MKNK1: variants seen among roughly 807,000 people sequenced by gnomAD.
MKNK1 encodes MAPK interacting serine/threonine kinase 1, also known as MAP kinase-interacting serine/threonine-protein kinase 1.
A neutral mutation model predicts 49.3 loss-of-function variants in MKNK1; 30 were observed. That is an observed-to-expected ratio of 0.61 (90% CI 0.46 to 0.83). The LOEUF (loss-of-function observed/expected upper bound fraction) is 0.83. Ranked by LOEUF, MKNK1 falls within the 40% of genes least tolerant of loss-of-function variation. The probability of loss-of-function intolerance (pLI) is 0.00; values close to 1 mark genes in which losing one functional copy is unlikely to be tolerated. For synonymous variants in MKNK1, 176 were observed against 201.7 expected (o/e 0.87, Z 1.08); for missense variants, 423 against 524.7 (o/e 0.81, Z 1.89).
chr1:46,561,683 A>T (rs1668004440), intron 10 of MKNK1, 41 bp from the exon 11 acceptor site: 1 of 1,600,448 alleles, frequency 6.2e-7, no homozygotes. Flanking sequence ...ACTGCCAGGG[A>T]TGGGCAGGAT....
At chr1:46,601,694 G>A (rs2148786341) in intron 1 of MKNK1, among the ~76,000 whole-genome samples, 1 of 152,280 alleles carries the variant, frequency 6.6e-6, no homozygotes, top group East Asian at 1.9e-4. Flanking sequence ...CAAAGAGGAG[G>A]AAAAACACAA....
At chr1:46,583,361 T>A in intron 2 of MKNK1, 32 bp from the exon 3 acceptor site, 1 of 1,515,830 alleles carries the variant, frequency 6.6e-7, no homozygotes, top group Non-Finnish European at 9.1e-7. Context: ...AAGGGAAACA[T>A]CACTGTACTG....
At chr1:46,568,404 A>T (rs750016352) in intron 8 of MKNK1, 39 bp downstream of exon 8, 2 of 1,600,798 alleles carry the variant, frequency 1.2e-6, no homozygotes, top group South Asian at 2.2e-5. Flanking sequence ...CTTCCTCGGT[A>T]AGTATAAACT....
intron 4 of MKNK1, among the ~76,000 whole-genome samples, chr1:46,578,110 G>A (rs551434967): frequency 6.6e-6 from 1 of 152,342 alleles, no homozygotes; most frequent in South Asian, 2.1e-4. Flanking sequence ...AAGTCATGAA[G>A]AACTTTCTAG....
chr1:46,603,352 G>T (rs900278106), intron 1 of MKNK1, among the ~76,000 whole-genome samples: 1 of 152,182 alleles, frequency 6.6e-6, no homozygotes, highest in Non-Finnish European at 1.5e-5. Context: ...TCAAGGCCCA[G>T]GTCACAACAA....
chr1:46,578,730 G>A (rs554711536), intron 4 of MKNK1, among the ~76,000 whole-genome samples: 71 of 151,524 alleles, frequency 4.7e-4, no homozygotes, highest in African/African-American at 1.7e-3. Flanking sequence ...GGAATTAGAC[G>A]CACATGCCAC....
intron 1 of MKNK1, among the ~76,000 whole-genome samples, chr1:46,598,810 G>A (rs1256810249): frequency 2.0e-5 from 3 of 152,192 alleles, no homozygotes; most frequent in Non-Finnish European, 4.4e-5. Flanking sequence ...CTGTAAGGAT[G>A]AGAGGCTGGA....
intron 3 of MKNK1, 114 bp downstream of exon 3, chr1:46,583,114 A>T: frequency 3.8e-6 from 3 of 797,728 alleles, no homozygotes; most frequent in Non-Finnish European, 6.6e-6. Flanking sequence ...CACACAGATA[A>T]CCACCATCTG....
At chr1:46,600,128 C>T (rs2148780517) in intron 1 of MKNK1, among the ~76,000 whole-genome samples, 1 of 152,298 alleles carries the variant, frequency 6.6e-6, no homozygotes, top group Non-Finnish European at 1.5e-5. Flanking sequence ...TCTGGTCATG[C>T]TGGGATTGAT....
chr1:46,602,218 C>A (rs1331564235), intron 1 of MKNK1, among the ~76,000 whole-genome samples: 1 of 152,208 alleles, frequency 6.6e-6, no homozygotes, highest in African/African-American at 2.4e-5. Flanking sequence ...TTGAATCCAG[C>A]CTGGCCAACA....
At chr1:46,599,994 A>AAC (rs749020109) in intron 1 of MKNK1, among the ~76,000 whole-genome samples, 186 of 150,848 alleles carry the variant, frequency 1.2e-3, no homozygotes, top group African/African-American at 2.3e-3. Context: ...CCCCTCCCAC[A>AAC]ACACACACAC....
At chr1:46,592,265 G>A (rs1246604129) in intron 2 of MKNK1, among the ~76,000 whole-genome samples, 1 of 152,162 alleles carries the variant, frequency 6.6e-6, no homozygotes, top group East Asian at 1.9e-4. Context: ...ACAAAAACCT[G>A]GGAGTACATA....
At chr1:46,579,247 G>C (rs1671415615) in intron 4 of MKNK1, among the ~76,000 whole-genome samples, 1 of 152,228 alleles carries the variant, frequency 6.6e-6, no homozygotes, top group South Asian at 2.1e-4. Context: ...GTTCAAAGAA[G>C]AGAAAACATT....
At chr1:46,588,641 A>C (rs1478419476) in intron 2 of MKNK1, among the ~76,000 whole-genome samples, 1 of 151,998 alleles carries the variant, frequency 6.6e-6, no homozygotes, top group Non-Finnish European at 1.5e-5. Context: ...CCCCATCTCT[A>C]CTAAAAATAC....
rs1364076690 is a variant in MKNK1 at position 46,558,545 on chromosome 1, C to G, written c.*30G>C. The G allele has an allele frequency of 6.4e-7, 1 of 1,563,908 alleles. No homozygotes were observed. The highest frequency in any genetic ancestry group is 8.7e-7 in the Non-Finnish European group (1 of 1,155,414). On this transcript the variant is annotated 3_prime_UTR_variant, in exon 13 of 13. Transcript: ENST00000371945. ...TCCAGGGGACAATGCCTGGCCAGGCCTAGGGCCTATAAGGTGTGACTGGAG... is the reference window on the plus strand; with the variant it reads ...TCCAGGGGACAATGCCTGGCCAGGCGTAGGGCCTATAAGGTGTGACTGGAG...
intron 2 of MKNK1, chr1:46,593,522 T>C (rs903317133): frequency 6.6e-6 from 1 of 152,314 alleles, no homozygotes; most frequent in African/African-American, 2.4e-5. Context: ...TTCTGCTGTA[T>C]TTTATCTTGT....
At chr1:46,559,464 G>C (rs1163922718) in intron 12 of MKNK1, among the ~76,000 whole-genome samples, 1 of 152,184 alleles carries the variant, frequency 6.6e-6, no homozygotes, top group East Asian at 1.9e-4. Flanking sequence ...TTGGGAACAG[G>C]GCAGTCCAGC....
In MKNK1 at chr1:46,557,738, A is replaced by G. The variant is rs1667248521; in HGVS notation, c.*837T>C. 2 of 152,366 alleles carry G rather than the reference A, an allele frequency of 1.3e-5. No homozygotes were observed. The highest frequency in any genetic ancestry group is 1.3e-4 in the Admixed American group (2 of 15,288). The allele number at this position is 152,366 out of a possible 1,614,324, so 9.4% of individuals were successfully genotyped here. On this transcript the variant is annotated 3_prime_UTR_variant, in exon 13 of 13. Transcript: ENST00000371945. ...TTCATCACAGGAACAGCTTAAAATCAGAATAATAGGGAACTGCTGATTAAA... is the reference window on the plus strand; with the variant it reads ...TTCATCACAGGAACAGCTTAAAATCGGAATAATAGGGAACTGCTGATTAAA...
At chr1:46,584,570 C>T (rs1672236356) in intron 2 of MKNK1, 1 of 151,800 alleles carries the variant, frequency 6.6e-6, no homozygotes, top group Non-Finnish European at 1.5e-5. Context: ...GGGAAAGGCC[C>T]ACTCTCTTCT....
Sources: gnomAD v4.1 joint callset for allele counts (sites outside exome capture counted in the v4.1 genomes callset) on GRCh38, gnomAD v4.1.1 for gene constraint, MANE v1.5 for transcripts, NCBI Gene and HGNC (gene_info 2026-07-23, HGNC 2026-07-21) for gene names.